DOCK6: variants seen among roughly 807,000 people sequenced by gnomAD.
The protein encoded by DOCK6 is dedicator of cytokinesis protein 6.
In DOCK6, 167 loss-of-function variants were observed where a neutral mutation model predicts 230.3. That is an observed-to-expected ratio of 0.73 (90% CI 0.64 to 0.82). DOCK6 has a LOEUF of 0.82. Among genes scored for constraint, DOCK6 ranks in the 40% least tolerant of loss-of-function variants. DOCK6 has a pLI of 0.00. For missense variants in DOCK6, 2,598 were observed against 2,825.8 expected, an observed-to-expected ratio of 0.92 and a Z score of 1.83; for synonymous variants, 1,148 against 1,185.0, an observed-to-expected ratio of 0.97 and a Z score of 0.64.
intron 24 of DOCK6, among the ~76,000 whole-genome samples, chr19:11,224,582 C>T (rs1458659859): frequency 6.6e-6 from 1 of 152,186 alleles, no homozygotes; most frequent in Non-Finnish European, 1.5e-5. Context: ...ACCAAAGAGC[C>T]ATGGGGAGAA....
chr19:11,255,118 C>T (rs1336630976), intron 1 of DOCK6, among the ~76,000 whole-genome samples: 1 of 151,956 alleles, frequency 6.6e-6, no homozygotes, highest in African/African-American at 2.4e-5. Context: ...ATTCTCCTGC[C>T]TCCGCCTCCT....
intron 1 of DOCK6, among the ~76,000 whole-genome samples, chr19:11,257,791 G>GA (rs879417801): frequency 9.7e-4 from 139 of 143,876 alleles, no homozygotes; most frequent in African/African-American, 1.2e-3. Context: ...GCTGTCTCAA[G>GA]AAAAAAAAAA....
intron 24 of DOCK6, among the ~76,000 whole-genome samples, chr19:11,226,259 G>A (rs1254647795): frequency 1.3e-5 from 2 of 152,290 alleles, no homozygotes; most frequent in Admixed American, 6.5e-5. Context: ...CTTCTCAGTC[G>A]TGTGGTACAA....
At chr19:11,225,381 A>C (rs1483829126) in intron 24 of DOCK6, among the ~76,000 whole-genome samples, 1 of 152,238 alleles carries the variant, frequency 6.6e-6, no homozygotes, top group Non-Finnish European at 1.5e-5. Flanking sequence ...CTTGGAGGTC[A>C]CATGTGATTG....
intron 6 of DOCK6, 112 bp downstream of exon 6, chr19:11,250,762 A>C: frequency 9.3e-7 from 1 of 1,071,060 alleles, no homozygotes; most frequent in Non-Finnish European, 1.3e-6. Flanking sequence ...GATCGGATTA[A>C]TACAGGTGTA....
chr19:11,211,397 C>T (rs2079381612), intron 37 of DOCK6, among the ~76,000 whole-genome samples: 1 of 151,938 alleles, frequency 6.6e-6, no homozygotes, highest in Admixed American at 6.6e-5. Flanking sequence ...TCACCTGTCC[C>T]CCTCACCTGT....
chr19:11,220,576 A>G (rs1365223885), intron 28 of DOCK6, among the ~76,000 whole-genome samples: 2 of 152,222 alleles, frequency 1.3e-5, no homozygotes, highest in East Asian at 1.9e-4. Flanking sequence ...TACAATGTCC[A>G]GAATATAATA....
chr19:11,206,390 T>TA (rs563303468), intron 39 of DOCK6: 222 of 143,104 alleles, frequency 1.6e-3, no homozygotes, highest in African/African-American at 3.6e-3. Context: ...TCCCATCTCT[T>TA]AAAAAAAAAA....
intron 41 of DOCK6, chr19:11,203,618 G>A (rs935546064): frequency 2.3e-5 from 4 of 173,902 alleles, no homozygotes; most frequent in Non-Finnish European, 3.6e-5. Flanking sequence ...GGGCTGGAGC[G>A]GGAGGACACA....
At chr19:11,247,003 G>A (rs569146590) in intron 7 of DOCK6, among the ~76,000 whole-genome samples, 1 of 152,276 alleles carries the variant, frequency 6.6e-6, no homozygotes, top group South Asian at 2.1e-4. Context: ...GCTGGGCCAG[G>A]GGACTCCTCC....
chr19:11,201,137 T>C lies in DOCK6; in HGVS notation c.5689-85A>G. ...CAGTCGGGGGCAGCTCAGACCCCGCTGGGAGTGAGAGGGGTCCAAGAACCC... is the reference window on the plus strand; with the variant it reads ...CAGTCGGGGGCAGCTCAGACCCCGCCGGGAGTGAGAGGGGTCCAAGAACCC... On this transcript the variant is annotated intron_variant, in intron 44 of 47. Transcript: ENST00000294618. This position sits in a 1 kb window ranked among gnomAD's most constrained non-coding sequence, Gnocchi z 4.3. 1 of 1,524,816 alleles carries C rather than the reference T, an allele frequency of 6.6e-7. No individual in the cohort carries two copies. The highest frequency in any genetic ancestry group is 8.9e-7 in the Non-Finnish European group (1 of 1,126,064). 94.5% of individuals were successfully genotyped at this position (1,524,816 alleles called of 1,614,324 possible). A position where few individuals can be genotyped will look rare whatever the true frequency, so the allele number is the denominator to read the frequency against.
chr19:11,202,386 G>A lies in DOCK6; in HGVS notation c.5451+8C>T, dbSNP rs1186775513. ...CTAAGATTTTGGGGAAATGGTTGGG[G>A]GACCCACCTTTTGTGAGTCAAGCTT... is the stretch of plus-strand genomic sequence containing the variant. On this transcript the variant is annotated splice_region_variant and intron_variant, in intron 43 of 47. Coordinates refer to ENST00000294618, the MANE Select transcript of DOCK6 (RefSeq NM_020812.4). The surrounding 1 kb of genome is among the most constrained non-coding windows in gnomAD (Gnocchi z 5.3). 2 of 1,612,894 alleles carry A rather than the reference G, an allele frequency of 1.2e-6. No homozygotes were observed. The highest frequency in any genetic ancestry group is 1.7e-6 in the Non-Finnish European group (2 of 1,179,454).
chr19:11,213,476 T>A, intron 34 of DOCK6, 148 bp from the exon 35 acceptor site: 1 of 1,156,550 alleles, frequency 8.6e-7, no homozygotes, highest in South Asian at 1.5e-5. Flanking sequence ...AGACCTGGGT[T>A]TAAGCCCCTT....
At chr19:11,211,910 G>A (rs1457777043) in intron 36 of DOCK6, 34 bp from the exon 37 acceptor site, 3 of 1,552,072 alleles carry the variant, frequency 1.9e-6, no homozygotes, top group South Asian at 1.2e-5. Flanking sequence ...GCCAATGAGA[G>A]CATTAGGAAG....
chr19:11,244,785 G>T (rs1029399238), intron 9 of DOCK6, among the ~76,000 whole-genome samples: 11 of 151,852 alleles, frequency 7.2e-5, no homozygotes, highest in Non-Finnish European at 1.3e-4. Context: ...GTAGAGAATG[G>T]GTTTCACCAT....
Position 11,252,232 on chromosome 19 carries a change from C to T in DOCK6, c.394G>A (p.Ala132Thr), listed in dbSNP as rs1283025189. 1.3e-6 allele frequency: 2 copies of T among 1,584,244 alleles called. No individual in the cohort carries two copies. Among genetic ancestry groups the T allele is most frequent in the Non-Finnish European group, 1.7e-6 (2 of 1,165,196 alleles). The change falls in exon 5 of 48, where the codon GCA becomes ACA. Residue 132 changes from alanine (A) to threonine (T), a missense_variant. Coordinates refer to ENST00000294618, the MANE Select transcript of DOCK6 (RefSeq NM_020812.4). ...TCTGTGGTGACGGGGCTGTATGCTG[C>T]ACTCAGGTACTGATACCTAGCAGGA... ...IVHRRYQYLS[A>T]AYSPVTTDTQ...
rs1380294282 is a variant in DOCK6, at chr19:11,202,261, G to A, written c.5451+133C>T. On this transcript the variant is annotated intron_variant, in intron 43 of 47. Transcript: ENST00000294618. This position sits in a 1 kb window ranked among gnomAD's most constrained non-coding sequence, Gnocchi z 5.3. ...TCTGGATGTTTGGGAATCCCCTGAG[G>A]AATAGGTTTTGGGGTCCCTCAGTGA... The A allele has an allele frequency of 1.4e-6, 2 of 1,386,792 alleles. No homozygotes were observed. Among genetic ancestry groups the A allele is most frequent in the South Asian group, 2.6e-5 (2 of 77,570 alleles). 85.9% of individuals were successfully genotyped at this position (1,386,792 alleles called of 1,614,324 possible). A position where few individuals can be genotyped will look rare whatever the true frequency, so the allele number is the denominator to read the frequency against.
At chr19:11,260,109 T>C (rs1314717016) in intron 1 of DOCK6, among the ~76,000 whole-genome samples, 2 of 152,054 alleles carry the variant, frequency 1.3e-5, no homozygotes, top group Non-Finnish European at 2.9e-5. Context: ...TCTGAGTATG[T>C]AGACACCTGG....
chr19:11,226,954 A>G (rs1462462416), intron 24 of DOCK6, among the ~76,000 whole-genome samples: 1 of 151,896 alleles, frequency 6.6e-6, no homozygotes, highest in Non-Finnish European at 1.5e-5. Flanking sequence ...ATTCACTACA[A>G]TCTAGCCATC....
Sources: gnomAD v4.1 joint callset for allele counts (sites outside exome capture counted in the v4.1 genomes callset) on GRCh38, gnomAD v4.1.1 for gene constraint, Gnocchi (gnomAD v3.1) non-coding constraint, MANE v1.5 for transcripts, NCBI Gene and HGNC (gene_info 2026-07-23, HGNC 2026-07-21) for gene names.